PPM1B: variants seen among roughly 807,000 people sequenced by gnomAD.
The protein encoded by PPM1B is protein phosphatase 1B.
PPM1B carries 22 observed loss-of-function variants against 43.0 expected under a neutral mutation model. That is an observed-to-expected ratio of 0.51 (90% confidence interval 0.37 to 0.73). The LOEUF is 0.73. Ranked by LOEUF, PPM1B falls within the 30% of genes least tolerant of loss-of-function variation. The probability of loss-of-function intolerance (pLI) is 0.00; values close to 1 mark genes in which losing one functional copy is unlikely to be tolerated. For missense variants in PPM1B, 632 were observed against 584.2 expected (o/e 1.08, Z -0.84); for synonymous variants, 217 against 197.9 (o/e 1.10, Z -0.81).
At chr2:44,236,402 C>CAAAA (rs61414038), downstream of PPM1B, among the ~76,000 whole-genome samples, 84 of 47,522 alleles carry the variant, frequency 1.8e-3, 8 homozygotes, top group African/African-American at 3.2e-3. Flanking sequence ...GACTCCGTCT[C>CAAAA]AAAAAAAAAA....
At chr2:44,220,295 T>C (rs531418537) in intron 5 of PPM1B, among the ~76,000 whole-genome samples, 1 of 151,334 alleles carries the variant, frequency 6.6e-6, no homozygotes, top group South Asian at 2.1e-4. Context: ...TTGCTGGATT[T>C]TGGGGTCCTT....
chr2:44,181,190 C>T (rs543772319), intron 1 of PPM1B, among the ~76,000 whole-genome samples: 121 of 152,246 alleles, frequency 7.9e-4, no homozygotes, highest in African/African-American at 2.8e-3. Flanking sequence ...CTCAAGTGAT[C>T]TTCCCATTTT....
At chr2:44,218,186 G>A in intron 4 of PPM1B, 108 bp downstream of exon 4, 1 of 819,278 alleles carries the variant, frequency 1.2e-6, no homozygotes, top group Non-Finnish European at 2.0e-6. Context: ...GAGGTGAAAT[G>A]GGTTAGTGTT....
At chr2:44,236,351 C>G (rs1456411845), downstream of PPM1B, among the ~76,000 whole-genome samples, 1 of 137,932 alleles carries the variant, frequency 7.2e-6, no homozygotes, top group African/African-American at 2.7e-5. Flanking sequence ...TGCAGTGAGC[C>G]GAGATCGCGC....
intron 1 of PPM1B, among the ~76,000 whole-genome samples, chr2:44,191,451 T>A (rs555463861): frequency 1.3e-5 from 2 of 152,280 alleles, no homozygotes; most frequent in Non-Finnish European, 2.9e-5. Context: ...CCTGACCTTA[T>A]GATTCGCCTG....
At chr2:44,205,973 G>A (rs942562244) in intron 2 of PPM1B, among the ~76,000 whole-genome samples, 3 of 152,072 alleles carry the variant, frequency 2.0e-5, no homozygotes, top group African/African-American at 7.2e-5. Flanking sequence ...CTGAGATCGC[G>A]CCATTGCACT....
chr2:44,230,260 T>TA, intron 5 of PPM1B, 153 bp from the exon 6 acceptor site: 1 of 1,449,832 alleles, frequency 6.9e-7, no homozygotes, highest in Non-Finnish European at 9.1e-7. Context: ...TATTAATTGA[T>TA]ACAGGTAAGA....
In PPM1B at chr2:44,231,009, G is replaced by T; in HGVS notation, c.*291G>T. On this transcript the variant is annotated 3_prime_UTR_variant, in exon 6 of 6. Transcript: ENST00000282412. The stretch of plus-strand genomic sequence containing the variant: ...TCAGTAGTTAAATTAATACTAGATA[G>T]AATTAGAAATTTTGATTAGAGAGAT... 1 of 982,090 alleles carries T rather than the reference G, an allele frequency of 1.0e-6. No individual in the cohort carries two copies. Among genetic ancestry groups the T allele is most frequent in the Non-Finnish European group, 1.2e-6 (1 of 807,980 alleles). The allele number at this position is 982,090 out of a possible 1,614,324, so 60.8% of individuals were successfully genotyped here.
At position 44,201,589 on chromosome 2, in the gene PPM1B, T is replaced by G. The variant is rs775675949; in HGVS notation, c.390T>G (p.Ser130Arg). The stretch of plus-strand genomic sequence containing the variant: ...ACCTCAGAAACGGGATGGACAGGAG[T>G]GGTTCAACTGCAGTGGGAGTTATGA... ...FSDLRNGMDRSGSTAVGVMIS... is the reference protein window; with the variant it reads ...FSDLRNGMDRRGSTAVGVMIS... The change falls in exon 2 of 6, where the codon AGT becomes AGG. Residue 130 changes from serine to arginine, a missense_variant. Physicochemically the swap from Ser to Arg is moderately radical, Grantham distance 110. Around this residue, in one of 3 missense-constraint regions of PPM1B, gnomAD observed 200 missense variants for 200.7 expected, o/e 1.00. Transcript: ENST00000282412. The surrounding 1 kb of genome is among the most constrained non-coding windows in gnomAD (Gnocchi z 5.4). 6.2e-7 allele frequency: 1 copy of G among 1,613,896 alleles called. No individual in the cohort carries two copies. The highest frequency in any genetic ancestry group is 8.5e-7 in the Non-Finnish European group (1 of 1,179,978).
intron 2 of PPM1B, among the ~76,000 whole-genome samples, chr2:44,206,840 G>A (rs971785196): frequency 6.6e-6 from 1 of 152,110 alleles, no homozygotes; most frequent in Admixed American, 6.5e-5. Context: ...GGGATTACAG[G>A]CAGCCACCAT....
At chr2:44,245,267 TG>T, downstream of PPM1B, among the ~76,000 whole-genome samples, 1 of 152,226 alleles carries the variant, frequency 6.6e-6, no homozygotes, top group African/African-American at 2.4e-5. Flanking sequence ...ATTTTATAGC[TG>T]GGCAGATCTC....
In PPM1B at chr2:44,174,963, A is replaced by G. The variant is rs577957929; in HGVS notation, c.-15+5689A>G. On this transcript the variant is annotated intron_variant, in intron 1 of 5. Coordinates refer to ENST00000282412, the MANE Select transcript of PPM1B (RefSeq NM_002706.6). ...AGGTGGCCTTTCTTAGTCCCTTAAA[A>G]AGAGGACATGACTGGGCCTGGTGGC... is the stretch of plus-strand genomic sequence containing the variant. Among the ~76,000 whole-genome samples the G allele has an allele frequency of 1.5e-4, 23 of 152,302 alleles. No individual in the cohort carries two copies. In the South Asian group the frequency reaches 2.7e-3, roughly 18 times the overall value.
chr2:44,204,532 G>A (rs1028724615), intron 2 of PPM1B, among the ~76,000 whole-genome samples: 10 of 152,006 alleles, frequency 6.6e-5, no homozygotes, highest in Non-Finnish European at 1.2e-4. Context: ...AATCATAATC[G>A]TGGTAGTATT....
chr2:44,197,359 TTCTCC>T (rs1668712632), intron 1 of PPM1B, among the ~76,000 whole-genome samples: 1 of 152,202 alleles, frequency 6.6e-6, no homozygotes, highest in African/African-American at 2.4e-5. Context: ...GCCCAAGTGA[TTCTCC>T]TACCTTGGCC....
chr2:44,239,616 G>T (rs1480617911), downstream of PPM1B, among the ~76,000 whole-genome samples: 1 of 152,146 alleles, frequency 6.6e-6, no homozygotes, highest in Non-Finnish European at 1.5e-5. Context: ...CACATCTCAT[G>T]TAAGTGTGAA....
intron 1 of PPM1B, among the ~76,000 whole-genome samples, chr2:44,189,128 T>C (rs781198125): frequency 7.2e-5 from 11 of 152,102 alleles, no homozygotes; most frequent in Non-Finnish European, 1.2e-4. Flanking sequence ...TACTTCAGCC[T>C]CCCAAAGTGG....
At chr2:44,175,406 C>T (rs144866492) in intron 1 of PPM1B, among the ~76,000 whole-genome samples, 14 of 152,310 alleles carry the variant, frequency 9.2e-5, no homozygotes, top group Middle Eastern at 3.4e-3. Flanking sequence ...TCAGAACAGT[C>T]TAATAGTATT....
intron 1 of PPM1B, among the ~76,000 whole-genome samples, chr2:44,182,073 G>T (rs990884863): frequency 1.3e-5 from 2 of 152,096 alleles, no homozygotes; most frequent in African/African-American, 4.8e-5. Context: ...ATTTTGAGAA[G>T]CTTCTTCTTA....
rs187085808 is a variant in PPM1B at position 44,214,051 on chromosome 2, T to C, written c.965-3916T>C. Among the ~76,000 whole-genome samples the C allele has an allele frequency of 1.1e-3, 163 of 152,302 alleles. 1 individual carries two copies. Among genetic ancestry groups the C allele is most frequent in the Non-Finnish European group, 1.9e-3 (131 of 68,022 alleles). ...ACCCCTCAAGGCACCAGTTTCTTTA[T>C]TGGAAACTAAAGATAAAAACACCAA... On this transcript the variant is annotated intron_variant, in intron 3 of 5. Transcript: ENST00000282412.
Sources: allele counts gnomAD v4.1 joint callset (sites outside exome capture counted in the v4.1 genomes callset), GRCh38; gene constraint gnomAD v4.1.1; regional missense constraint gnomAD v4.1.1; non-coding constraint Gnocchi (gnomAD v3.1); transcripts MANE v1.5; gene names NCBI Gene and HGNC (gene_info 2026-07-23, HGNC 2026-07-21).